UNC5C: variants seen among roughly 807,000 people sequenced by gnomAD.
UNC5C encodes the protein netrin receptor UNC5C.
In UNC5C, 47 loss-of-function variants were observed where a neutral mutation model predicts 99.8. The ratio of observed to expected loss-of-function variants is 0.47; its 90% confidence interval spans 0.37 to 0.60. UNC5C has a LOEUF of 0.60. Among genes scored for constraint, UNC5C ranks in the 20% least tolerant of loss-of-function variants. The pLI is 0.00. For synonymous variants in UNC5C, 487 were observed against 452.2 expected (o/e 1.08, Z -0.98); for missense variants, 1,062 against 1,165.9 (o/e 0.91, Z 1.30).
At chr4:95,406,179 T>C (rs890564779) in intron 1 of UNC5C, among the ~76,000 whole-genome samples, 17 of 152,182 alleles carry the variant, frequency 1.1e-4, no homozygotes, top group African/African-American at 4.1e-4. Flanking sequence ...ATTTCAATAT[T>C]TCTTGACTCC....
In UNC5C at chr4:95,335,536, C is replaced by G. The variant is rs182706377; in HGVS notation, c.220G>C (p.Val74Leu). Residue 74 changes from valine to leucine, a missense_variant, in exon 2 of 16, where the codon GTG (valine) becomes CTG (leucine). Around this residue, in one of 3 missense-constraint regions of UNC5C, gnomAD observed 249 missense variants for 295.1 expected, o/e 0.84. Coordinates refer to ENST00000453304, the MANE Select transcript of UNC5C (RefSeq NM_003728.4). ...FLIEPEEAYI[V>L]KNKPVNLYCK... is the part of the protein sequence containing the mutation. ...TACAGGTTCACGGGCTTATTCTTCACAATATAAGCTTCTTCAGGCTCAATA... is the reference window on the plus strand; with the variant it reads ...TACAGGTTCACGGGCTTATTCTTCAGAATATAAGCTTCTTCAGGCTCAATA... 1 of 1,612,214 alleles carries G rather than the reference C, an allele frequency of 6.2e-7. No homozygotes were observed. The highest frequency in any genetic ancestry group is 1.7e-5 in the Admixed American group (1 of 59,786).
At chr4:95,368,296 T>TTA (rs761735292) in intron 1 of UNC5C, among the ~76,000 whole-genome samples, 1 of 54,830 alleles carries the variant, frequency 1.8e-5, no homozygotes. Context: ...ACATCTTTTT[T>TTA]GAAAAAAAAA....
At chr4:95,450,471 G>A (rs922610201) in intron 1 of UNC5C, among the ~76,000 whole-genome samples, 15 of 152,310 alleles carry the variant, frequency 9.8e-5, no homozygotes, top group Admixed American at 3.9e-4. Context: ...TTCCCAAAGT[G>A]TCAGCATTAC....
At chr4:95,309,699 C>T (rs1742205958) in intron 2 of UNC5C, among the ~76,000 whole-genome samples, 1 of 152,094 alleles carries the variant, frequency 6.6e-6, no homozygotes, top group South Asian at 2.1e-4. Flanking sequence ...CACTAATCCT[C>T]AGGGAAATAC....
chr4:95,468,310 TG>T (rs1199710806), intron 1 of UNC5C, among the ~76,000 whole-genome samples: 1 of 152,156 alleles, frequency 6.6e-6, no homozygotes, highest in African/African-American at 2.4e-5. Context: ...TTTCTGGTAC[TG>T]CTTCTTCTCT....
At chr4:95,528,989 C>T (rs1281997847) in intron 1 of UNC5C, among the ~76,000 whole-genome samples, 2 of 151,874 alleles carry the variant, frequency 1.3e-5, no homozygotes, top group African/African-American at 4.8e-5. Context: ...TAACAAAGCA[C>T]ATTTATCTCT....
rs577178923 is a variant in UNC5C at position 95,259,007 on chromosome 4, C to T, written c.595-8340G>A. ...CGATCTCCTGACCTCATGATCCACC[C>T]GCCTCGGCCTCCCAAAGTGCTGGGA... On this transcript the variant is annotated intron_variant, in intron 4 of 15. Coordinates refer to ENST00000453304, the MANE Select transcript of UNC5C (RefSeq NM_003728.4). Among the ~76,000 whole-genome samples, 6 of 151,490 alleles carry T rather than the reference C, an allele frequency of 4.0e-5. No homozygotes were observed. The South Asian group carries it at 1.3e-3, about 32-fold the overall frequency.
At chr4:95,298,918 T>C (rs1176638992) in intron 3 of UNC5C, among the ~76,000 whole-genome samples, 2 of 152,176 alleles carry the variant, frequency 1.3e-5, no homozygotes, top group African/African-American at 2.4e-5. Context: ...GCATGAAGAA[T>C]AGCTGAAAGG....
At chr4:95,439,823 C>G (rs1177692035) in intron 1 of UNC5C, among the ~76,000 whole-genome samples, 1 of 152,020 alleles carries the variant, frequency 6.6e-6, no homozygotes, top group African/African-American at 2.4e-5. Flanking sequence ...TGTATTGACC[C>G]CACAGGCACT....
In UNC5C at chr4:95,278,370, G is replaced by T. The variant is rs376712827; in HGVS notation, c.491-8C>A. ...CAAATGTCTTCCGTAGATCTGGAACGTAAAAGTGACAAAATACATGTCAAA... is the reference window on the plus strand; with the variant it reads ...CAAATGTCTTCCGTAGATCTGGAACTTAAAAGTGACAAAATACATGTCAAA... On this transcript the variant is annotated splice_polypyrimidine_tract_variant and splice_region_variant and intron_variant, in intron 3 of 15. Coordinates refer to ENST00000453304, the MANE Select transcript of UNC5C (RefSeq NM_003728.4). 6.2e-7 allele frequency: 1 copy of T among 1,605,456 alleles called. No homozygotes were observed. Among genetic ancestry groups the T allele is most frequent in the Non-Finnish European group, 8.5e-7 (1 of 1,172,254 alleles).
At chr4:95,389,702 C>T (rs9999265) in intron 1 of UNC5C, among the ~76,000 whole-genome samples, 114,998 of 151,938 alleles carry the variant, frequency 0.76, 44,359 homozygotes, top group East Asian at 0.94. Context: ...AAATCAAATA[C>T]AGATCATGTA....
rs1722052012 is a variant in UNC5C at position 95,510,846 on chromosome 4, A to G, written c.124+37888T>C. Among the ~76,000 whole-genome samples the G allele has an allele frequency of 2.6e-5, 4 of 152,134 alleles. No individual in the cohort carries two copies. In the South Asian group the frequency reaches 8.3e-4, roughly 31 times the overall value. ...AACACTGTCCGAAATTTGCCTCGGC[A>G]TTTTCCTAACTTGGTTTGTCCCTTC... On this transcript the variant is annotated intron_variant, in intron 1 of 15. Coordinates refer to ENST00000453304, the MANE Select transcript of UNC5C (RefSeq NM_003728.4).
intron 5 of UNC5C, among the ~76,000 whole-genome samples, chr4:95,250,004 T>G (rs16996454): frequency 6.6e-6 from 1 of 152,082 alleles, no homozygotes; most frequent in Admixed American, 6.5e-5. Context: ...AGCATATTCA[T>G]CTTTAGAACT....
At chr4:95,268,857 T>C (rs1025756628) in intron 4 of UNC5C, among the ~76,000 whole-genome samples, 1 of 152,034 alleles carries the variant, frequency 6.6e-6, no homozygotes, top group African/African-American at 2.4e-5. Context: ...TATAGCAGAG[T>C]TGAGAACTGT....
rs138558817 is a variant in UNC5C, at chr4:95,468,021, T to G, written c.124+80713A>C. 3.7e-3 allele frequency among the ~76,000 whole-genome samples: 559 copies of G among 151,958 alleles called. 2 individuals are homozygous for G. In the Middle Eastern group the frequency reaches 0.052, roughly 14 times the overall value. On this transcript the variant is annotated intron_variant, in intron 1 of 15. Transcript: ENST00000453304. ...GGAGGATGAGGAGGGGTTGGTCTTG[T>G]AGTCTCTCAAGGGTGGTGGCAGAGG...
intron 4 of UNC5C, among the ~76,000 whole-genome samples, chr4:95,267,973 G>A (rs1369911318): frequency 2.3e-5 from 1 of 44,234 alleles, no homozygotes. Flanking sequence ...TTTTTGAGAC[G>A]GAGTTCTGCT....
intron 1 of UNC5C, among the ~76,000 whole-genome samples, chr4:95,505,127 T>C (rs949966496): frequency 6.6e-6 from 1 of 152,122 alleles, no homozygotes; most frequent in African/African-American, 2.4e-5. Flanking sequence ...CTTTAACTGG[T>C]CCGTTATCAG....
At chr4:95,437,268 ATATT>A (rs1380427513) in intron 1 of UNC5C, among the ~76,000 whole-genome samples, 1 of 151,818 alleles carries the variant, frequency 6.6e-6, no homozygotes, top group African/African-American at 2.4e-5. Flanking sequence ...CAAAAAATTC[ATATT>A]TAGATAGTCC....
intron 1 of UNC5C, among the ~76,000 whole-genome samples, chr4:95,477,550 G>A (rs1398097673): frequency 6.6e-6 from 1 of 152,028 alleles, no homozygotes; most frequent in African/African-American, 2.4e-5. Flanking sequence ...ATGAGATGGA[G>A]AGACAAAGTT....
Sources: gnomAD v4.1 joint callset for allele counts (sites outside exome capture counted in the v4.1 genomes callset) on GRCh38, gnomAD v4.1.1 for gene constraint, gnomAD v4.1.1 regional missense constraint, MANE v1.5 for transcripts, NCBI Gene and HGNC (gene_info 2026-07-23, HGNC 2026-07-21) for gene names.